Variants in DUOXA1 observed in about 807,000 individuals in gnomAD.
The protein encoded by DUOXA1 is dual oxidase maturation factor 1.
DUOXA1 carries 19 observed loss-of-function variants against 26.6 expected under a neutral mutation model. The ratio of observed to expected loss-of-function variants is 0.71; its 90% confidence interval spans 0.50 to 1.05. DUOXA1 has a LOEUF of 1.05. Among genes scored for constraint, DUOXA1 ranks in the 50% least tolerant of loss-of-function variants. The pLI, the probability that DUOXA1 is intolerant of heterozygous loss-of-function variation, is 0.00. For missense variants in DUOXA1, 403 were observed against 427.5 expected, an observed-to-expected ratio of 0.94 and a Z score of 0.51; for synonymous variants, 166 against 177.0, an observed-to-expected ratio of 0.94 and a Z score of 0.49.
At chr15:45,123,213 T>A (rs1362607927) in intron 3 of DUOXA1, among the ~76,000 whole-genome samples, 170 bp from the exon 4 acceptor site, 4 of 152,124 alleles carry the variant, frequency 2.6e-5, no homozygotes, top group African/African-American at 9.7e-5. Flanking sequence ...CCCTCAGCCA[T>A]CCATCTCCCC....
intron 3 of DUOXA1, among the ~76,000 whole-genome samples, chr15:45,125,709 G>T (rs1056496645): frequency 6.6e-6 from 1 of 151,990 alleles, no homozygotes; most frequent in Admixed American, 6.5e-5. Flanking sequence ...GTTCTCCAGG[G>T]GCTCCTGCTT....
In DUOXA1 at chr15:45,122,177, G is replaced by T; in HGVS notation, c.205+8C>A. The T allele has an allele frequency of 6.3e-7, 1 of 1,595,852 alleles. No homozygotes were observed. The highest frequency in any genetic ancestry group is 8.5e-7 in the Non-Finnish European group (1 of 1,170,798). On this transcript the variant is annotated splice_region_variant and intron_variant, in intron 5 of 8. Transcript: ENST00000560572. ...CAGCAGCCCAAGTCAGCTGCACTTC[G>T]CACTCACCCAGGATTGCAGCCCCGA...
rs112166546 is a variant in DUOXA1, at chr15:45,117,770, C to T, written c.*1336G>A. On this transcript the variant is annotated 3_prime_UTR_variant, in exon 9 of 9. Coordinates refer to ENST00000560572, the MANE Select transcript of DUOXA1 (RefSeq NM_001276266.2). ...GTGGTGAGTCTCCAGTATGTTCGGCCCAGCGCTCTTCGCACCCTTCTGGAC... is the reference window on the plus strand; with the variant it reads ...GTGGTGAGTCTCCAGTATGTTCGGCTCAGCGCTCTTCGCACCCTTCTGGAC... 49 of 1,613,844 alleles carry T rather than the reference C, an allele frequency of 3.0e-5. No homozygotes were observed. The African/African-American group carries it at 6.1e-4, about 20-fold the overall frequency.
intron 3 of DUOXA1, among the ~76,000 whole-genome samples, chr15:45,125,717 C>T (rs1180287573): frequency 6.6e-6 from 1 of 152,204 alleles, no homozygotes; most frequent in Non-Finnish European, 1.5e-5. Context: ...GGGGCTCCTG[C>T]TTTTGGCCAT....
intron 6 of DUOXA1, 118 bp downstream of exon 6, chr15:45,120,969 C>A: frequency 6.5e-7 from 1 of 1,543,618 alleles, no homozygotes; most frequent in Admixed American, 1.8e-5. Context: ...TGACCTCCCA[C>A]CTCACACATC....
intron 4 of DUOXA1, among the ~76,000 whole-genome samples, chr15:45,122,621 C>G (rs73406361): frequency 0.028 from 4,216 of 151,908 alleles, 110 homozygotes; most frequent in East Asian, 0.061. Flanking sequence ...AACTCCTGGG[C>G]TCAAGCAATC....
chr15:45,123,169 T>C, intron 3 of DUOXA1, 126 bp from the exon 4 acceptor site: 1 of 935,170 alleles, frequency 1.1e-6, no homozygotes, highest in Non-Finnish European at 1.5e-6. Context: ...ATTTTGTGCA[T>C]CATCAGACTC....
Position 45,120,234 on chromosome 15 carries a change from C to T in DUOXA1, c.641G>A (p.Gly214Asp). 1.2e-6 allele frequency: 2 copies of T among 1,614,140 alleles called. No individual in the cohort carries two copies. The highest frequency in any genetic ancestry group is 8.5e-7 in the Non-Finnish European group (1 of 1,180,010). The change falls in exon 8 of 9, where the codon GGC becomes GAC. Residue 214 changes from glycine (G) to aspartate (D), a missense_variant. Coordinates refer to ENST00000560572, the MANE Select transcript of DUOXA1 (RefSeq NM_001276266.2). ...VYGGYMLLAT[G>D]IFQLLALLFF... ...GAGCAGAGCCAACAGCTGGAAGATGCCCGTGGCCAATAGCATGTAGCCACC... is the reference window on the plus strand; with the variant it reads ...GAGCAGAGCCAACAGCTGGAAGATGTCCGTGGCCAATAGCATGTAGCCACC...
intron 5 of DUOXA1, 129 bp from the exon 6 acceptor site, chr15:45,121,350 G>A: frequency 5.1e-6 from 7 of 1,361,362 alleles, no homozygotes; most frequent in Non-Finnish European, 7.0e-6. Flanking sequence ...AACTAGCCAG[G>A]GTCTGGCTCA....
intron 3 of DUOXA1, among the ~76,000 whole-genome samples, chr15:45,128,549 T>C (rs1379453079): frequency 1.3e-5 from 2 of 152,358 alleles, no homozygotes; most frequent in South Asian, 2.1e-4. Context: ...TGCTAGACTT[T>C]CCTCTTCAAG....
chr15:45,120,556 A>T, intron 7 of DUOXA1, 36 bp downstream of exon 7: 1 of 1,606,080 alleles, frequency 6.2e-7, no homozygotes, highest in Non-Finnish European at 8.5e-7. Flanking sequence ...AATCTAGGCT[A>T]CCAGGGCCTC....
At chr15:45,127,127 G>T (rs1050595672) in intron 3 of DUOXA1, among the ~76,000 whole-genome samples, 1 of 152,146 alleles carries the variant, frequency 6.6e-6, no homozygotes, top group Non-Finnish European at 1.5e-5. Context: ...TTAAATAAAA[G>T]TTCATAGGAG....
At position 45,122,610 on chromosome 15, in the gene DUOXA1, G is replaced by A. The variant is rs937294009; in HGVS notation, c.147+258C>T. 4.5e-4 allele frequency among the ~76,000 whole-genome samples: 68 copies of A among 151,218 alleles called. 1 individual carries two copies. Among genetic ancestry groups the A allele is most frequent in the Non-Finnish European group, 6.6e-4 (45 of 67,872 alleles). On this transcript the variant is annotated intron_variant, in intron 4 of 8. Transcript: ENST00000560572. ...TATACTATAAACCCAGGCTGGCCTC[G>A]AACTCCTGGGCTCAAGCAATCCTCC...
rs545798327 is a variant in DUOXA1, at chr15:45,119,018, C to A, written c.*88G>T. 1.3e-4 allele frequency: 198 copies of A among 1,499,986 alleles called. 2 individuals are homozygous for A. The South Asian group carries it at 2.5e-3, about 19-fold the overall frequency. 92.9% of individuals were successfully genotyped at this position (1,499,986 alleles called of 1,614,324 possible). ...GGTGCTGGGTGTCTGGTAACAGCCA[C>A]CCTGAGGGCAGTTCTGCTGGTTTTA... is the stretch of plus-strand genomic sequence containing the variant. On this transcript the variant is annotated 3_prime_UTR_variant, in exon 9 of 9. Transcript: ENST00000560572.
rs752914323 is a variant in DUOXA1 at position 45,117,752 on chromosome 15, G to C, written c.*1354C>G. On this transcript the variant is annotated 3_prime_UTR_variant, in exon 9 of 9. Coordinates refer to ENST00000560572, the MANE Select transcript of DUOXA1 (RefSeq NM_001276266.2). ...CTCTTCCTCGGAGGGGCCGTGGTGA[G>C]TCTCCAGTATGTTCGGCCCAGCGCT... 6.2e-7 allele frequency: 1 copy of C among 1,613,344 alleles called. No homozygotes were observed. The highest frequency in any genetic ancestry group is 1.7e-5 in the Admixed American group (1 of 60,024).
intron 3 of DUOXA1, among the ~76,000 whole-genome samples, chr15:45,123,718 G>A (rs894214750): frequency 1.3e-5 from 2 of 152,088 alleles, no homozygotes; most frequent in Non-Finnish European, 2.9e-5. Context: ...GCTGGGGCCA[G>A]ATGTCCTTCT....
chr15:45,120,455 C>A (rs1261511010), intron 7 of DUOXA1, 135 bp from the exon 8 acceptor site: 2 of 1,446,804 alleles, frequency 1.4e-6, no homozygotes, highest in African/African-American at 1.4e-5. Context: ...CCATGGACTT[C>A]CCAAGCCAGC....
intron 4 of DUOXA1, among the ~76,000 whole-genome samples, 156 bp from the exon 5 acceptor site, chr15:45,122,398 T>A (rs1327864502): frequency 6.6e-6 from 1 of 152,114 alleles, no homozygotes; most frequent in Non-Finnish European, 1.5e-5. Context: ...GCTTATGTAT[T>A]TATGTATGCA....
rs369381730 is a variant in DUOXA1 at position 45,118,027 on chromosome 15, C to T, written c.*1079G>A. ...GGCACTGAGCGCTGCTGGCGCGAGGCCTCGGACATCCGCAGGCACCAGGGA... is the reference window on the plus strand; with the variant it reads ...GGCACTGAGCGCTGCTGGCGCGAGGTCTCGGACATCCGCAGGCACCAGGGA... On this transcript the variant is annotated 3_prime_UTR_variant, in exon 9 of 9. Transcript: ENST00000560572. The T allele has an allele frequency of 6.3e-7, 1 of 1,599,158 alleles. No homozygotes were observed. The highest frequency in any genetic ancestry group is 1.3e-5 in the African/African-American group (1 of 74,704).
Sources: gnomAD v4.1 joint callset for allele counts (sites outside exome capture counted in the v4.1 genomes callset) on GRCh38, gnomAD v4.1.1 for gene constraint, MANE v1.5 for transcripts, NCBI Gene and HGNC (gene_info 2026-07-23, HGNC 2026-07-21) for gene names.